Variants in CDH26 observed in about 807,000 individuals in gnomAD.
The protein encoded by CDH26 is cadherin-like protein 26.
CDH26 carries 83 observed loss-of-function variants against 90.3 expected under a neutral mutation model. The observed-to-expected ratio is 0.92, with a 90% CI of 0.77 to 1.10. The LOEUF (loss-of-function observed/expected upper bound fraction) is 1.10. Among genes scored for constraint, CDH26 ranks in the 50% least tolerant of loss-of-function variants. CDH26 has a pLI of 0.00. For missense variants in CDH26, 1,013 were observed against 1,037.6 expected (o/e 0.98, Z 0.33); for synonymous variants, 397 against 396.3 (o/e 1.00, Z -0.02).
At chr20:59,965,887 C>T (rs2061142444) in intron 1 of CDH26, among the ~76,000 whole-genome samples, 1 of 152,150 alleles carries the variant, frequency 6.6e-6, no homozygotes, top group Non-Finnish European at 1.5e-5. Context: ...GATTTTAGAA[C>T]ATGATGTGTT....
At chr20:60,023,614 T>A (rs555616292) in intron 7 of CDH26, among the ~76,000 whole-genome samples, 1 of 152,082 alleles carries the variant, frequency 6.6e-6, no homozygotes, top group African/African-American at 2.4e-5. Flanking sequence ...AGCAATGTTC[T>A]ACAAGAGAGA....
chr20:59,988,847 C>CT, intron 8 of CDH26, 57 bp from the exon 9 acceptor site: 2 of 1,581,618 alleles, frequency 1.3e-6, no homozygotes. Context: ...CGGCGCTGGG[C>CT]TTCCTCTGGC....
chr20:59,965,597 T>C lies in CDH26; in HGVS notation c.70-3370T>C, dbSNP rs2061138372. ...AAGAAAACAGCGGGAGTCTCCTCTC[T>C]GCTTCTGTATTCAGTCTGTTGTGAA... is the stretch of plus-strand genomic sequence containing the variant. On this transcript the variant is annotated intron_variant, in intron 1 of 17. Transcript: ENST00000348616. Among the ~76,000 whole-genome samples the C allele has an allele frequency of 3.9e-5, 6 of 152,264 alleles. No individual in the cohort carries two copies. The South Asian group carries it at 1.2e-3, about 31-fold the overall frequency.
intron 14 of CDH26, 141 bp from the exon 15 acceptor site, chr20:60,001,202 C>T (rs1013042080): frequency 1.0e-6 from 1 of 963,366 alleles, no homozygotes; most frequent in Non-Finnish European, 1.6e-6. Context: ...TCCCACCGCG[C>T]CCTCCCTCTC....
rs377591391 is a variant in CDH26, at chr20:60,014,375, TA to T, written c.*1646del. ...TAACTATAGGCAACATATAATGGTA[TA>T]GAGTGCTAGAACGTATTCCTCCTAG... On this transcript the variant is annotated 3_prime_UTR_variant, in exon 18 of 18. Coordinates refer to ENST00000348616, the MANE Select transcript of CDH26 (RefSeq NM_177980.4). The T allele has an allele frequency of 1.9e-4, 29 of 152,308 alleles. No homozygotes were observed. In the East Asian group the frequency reaches 4.5e-3, roughly 23 times the overall value. The allele number at this position is 152,308 out of a possible 1,614,324, so 9.4% of individuals were successfully genotyped here.
chr20:59,967,854 T>TTTCC (rs2061176374), intron 1 of CDH26, among the ~76,000 whole-genome samples: 5 of 111,936 alleles, frequency 4.5e-5, no homozygotes, highest in Admixed American at 2.6e-4. Context: ...TCTTTCTTTC[T>TTTCC]TTCTTTCTTT....
At chr20:59,989,302 G>T in intron 9 of CDH26, 139 bp downstream of exon 9, 1 of 1,082,712 alleles carries the variant, frequency 9.2e-7, no homozygotes, top group Non-Finnish European at 1.3e-6. Context: ...GCCGAGGCGG[G>T]TGGATCATGA....
At position 59,958,424 on chromosome 20, in the gene CDH26, G is replaced by A. The variant is rs1284423394; in HGVS notation, c.-303G>A. ...CTGTTGTTCCTGAGGTCAGACCCCA[G>A]CCAGTCTTTTGTGTACGTGCAGGAC... On this transcript the variant is annotated 5_prime_UTR_variant, in exon 1 of 18. Coordinates refer to ENST00000348616, the MANE Select transcript of CDH26 (RefSeq NM_177980.4). 1 of 292,792 alleles carries A rather than the reference G, an allele frequency of 3.4e-6. No homozygotes were observed. The highest frequency in any genetic ancestry group is 6.3e-6 in the Non-Finnish European group (1 of 158,156). 18.1% of individuals were successfully genotyped at this position (292,792 alleles called of 1,614,324 possible). A position where few individuals can be genotyped will look rare whatever the true frequency, so the allele number is the denominator to read the frequency against.
chr20:59,958,902 CCTGCTGGG>C, intron 1 of CDH26, 107 bp downstream of exon 1: 1 of 1,088,230 alleles, frequency 9.2e-7, no homozygotes, highest in Middle Eastern at 2.8e-4. Flanking sequence ...CTGAGTGTGA[CCTGCTGGG>C]ACCCAGGGCT....
At chr20:59,995,239 G>A (rs1290284843) in intron 11 of CDH26, among the ~76,000 whole-genome samples, 1 of 152,170 alleles carries the variant, frequency 6.6e-6, no homozygotes, top group Non-Finnish European at 1.5e-5. Flanking sequence ...TTTACCTGGG[G>A]TGTCTTGGGC....
intron 12 of CDH26, 96 bp downstream of exon 12, chr20:59,996,150 C>T: frequency 7.9e-7 from 1 of 1,264,200 alleles, no homozygotes; most frequent in South Asian, 1.4e-5. Context: ...ACAGCGGTGG[C>T]AGGATTGGTG....
chr20:60,025,924 C>T (rs1461087902), intron 7 of CDH26, among the ~76,000 whole-genome samples: 1 of 152,190 alleles, frequency 6.6e-6, no homozygotes, highest in East Asian at 1.9e-4. Context: ...AAAATGAACC[C>T]GGCGTAGTGT....
intron 1 of CDH26, among the ~76,000 whole-genome samples, chr20:59,964,384 A>G (rs2061118504): frequency 6.6e-6 from 1 of 152,188 alleles, no homozygotes; most frequent in South Asian, 2.1e-4. Flanking sequence ...CCTCTGATAA[A>G]GTGGTTTGGT....
chr20:60,024,231 C>T (rs549953850), intron 7 of CDH26, among the ~76,000 whole-genome samples: 7 of 152,310 alleles, frequency 4.6e-5, no homozygotes, highest in South Asian at 4.1e-4. Context: ...AAACTGTGAA[C>T]GCTGTGTAGC....
chr20:60,012,637 G>C lies in CDH26; in HGVS notation c.2406G>C (p.Leu802Phe). Residue 802 changes from leucine (L) to phenylalanine (F), a missense_variant, in exon 18 of 18, where the codon TTG becomes TTC. Transcript: ENST00000348616. ...CATCCCTCAGCTCTCTGGCCAGCTT[G>C]GAACAGGAGTTGCAACCTGATTTGC... ...GAPSLSSLASLEQELQPDLLD... is the reference protein window; with the variant it reads ...GAPSLSSLASFEQELQPDLLD... 1.2e-6 allele frequency: 2 copies of C among 1,614,078 alleles called. No homozygotes were observed. The highest frequency in any genetic ancestry group is 1.7e-6 in the Non-Finnish European group (2 of 1,180,002).
chr20:60,008,792 C>G (rs1369780327), intron 17 of CDH26, among the ~76,000 whole-genome samples: 1 of 152,238 alleles, frequency 6.6e-6, no homozygotes, highest in African/African-American at 2.4e-5. Flanking sequence ...GTAGGCTTGG[C>G]CCCTTCTCAC....
Position 59,992,944 on chromosome 20 carries a change from C to A in CDH26, c.1426+424C>A, listed in dbSNP as rs1017102549. ...AACCAGAATGGGTGGTTTTATAAGC[C>A]TGTTTCAGCATTTTTCTCTACACTC... On this transcript the variant is annotated intron_variant, in intron 10 of 17. Transcript: ENST00000348616. This position sits in a 1 kb window ranked among gnomAD's most constrained non-coding sequence, Gnocchi z 5.0. Among the ~76,000 whole-genome samples, 2 of 152,062 alleles carry A rather than the reference C, an allele frequency of 1.3e-5. No homozygotes were observed. The highest frequency in any genetic ancestry group is 6.6e-5 in the Admixed American group (1 of 15,246).
At chr20:59,991,751 AG>A (rs2061530481) in intron 9 of CDH26, among the ~76,000 whole-genome samples, 1 of 152,202 alleles carries the variant, frequency 6.6e-6, no homozygotes, top group Non-Finnish European at 1.5e-5. Context: ...GCCTGAGTCC[AG>A]GAGGTTCCTG....
intron 1 of CDH26, among the ~76,000 whole-genome samples, chr20:59,967,815 TTCTTTCTTTCTTTCTTTC>T (rs1450129384): frequency 4.5e-4 from 9 of 19,880 alleles, no homozygotes; most frequent in Non-Finnish European, 6.5e-4. Context: ...CCTCCCTCAT[TTCTTTCTTTCTTTCTTTC>T]TTTCTTTCTT....
Sources: allele counts gnomAD v4.1 joint callset (sites outside exome capture counted in the v4.1 genomes callset), GRCh38; gene constraint gnomAD v4.1.1; non-coding constraint Gnocchi (gnomAD v3.1); transcripts MANE v1.5; gene names NCBI Gene and HGNC (gene_info 2026-07-23, HGNC 2026-07-21).